The following SH3RF3 variants were observed in gnomAD, a reference collection of about 807,000 sequenced individuals.
SH3RF3 encodes E3 ubiquitin-protein ligase SH3RF3.
A neutral mutation model predicts 66.3 loss-of-function variants in SH3RF3; 29 were observed. The observed-to-expected ratio is 0.44, with a 90% confidence interval of 0.33 to 0.60. SH3RF3 has a LOEUF of 0.60. Among genes scored for constraint, SH3RF3 ranks in the 20% least tolerant of loss-of-function variants. The pLI is 0.04. For missense variants in SH3RF3, 1,194 were observed against 1,190.9 expected, an observed-to-expected ratio of 1.00 and a Z score of -0.04; for synonymous variants, 583 against 532.0, an observed-to-expected ratio of 1.10 and a Z score of -1.32.
At chr2:109,242,389 C>T (rs72952061) in intron 1 of SH3RF3, among the ~76,000 whole-genome samples, 2,986 of 152,234 alleles carry the variant, frequency 0.02, 102 homozygotes, top group African/African-American at 0.067. Flanking sequence ...TGTCGTGCCT[C>T]GTTGCAGATG....
At chr2:109,352,659 G>T (rs905924040) in intron 2 of SH3RF3, among the ~76,000 whole-genome samples, 4 of 152,174 alleles carry the variant, frequency 2.6e-5, no homozygotes, top group Admixed American at 2.6e-4. Context: ...GAAGTTACCC[G>T]AGAAACTCAG....
chr2:109,155,629 G>A (rs947815979), intron 1 of SH3RF3, among the ~76,000 whole-genome samples: 2 of 152,092 alleles, frequency 1.3e-5, no homozygotes, highest in Non-Finnish European at 2.9e-5. Context: ...CACAATTTTG[G>A]CTATTTGTGA....
At chr2:109,374,183 G>A (rs1343941339) in intron 3 of SH3RF3, among the ~76,000 whole-genome samples, 3 of 152,100 alleles carry the variant, frequency 2.0e-5, no homozygotes, top group Non-Finnish European at 4.4e-5. Context: ...AGGAAGCCCT[G>A]GACTGTCCTT....
intron 1 of SH3RF3, among the ~76,000 whole-genome samples, chr2:109,253,867 G>C (rs903749126): frequency 6.6e-6 from 1 of 152,126 alleles, no homozygotes; most frequent in Non-Finnish European, 1.5e-5. Flanking sequence ...AGAAAGTAAT[G>C]TATGAGTATT....
At chr2:109,146,686 C>T (rs1396752530) in intron 1 of SH3RF3, among the ~76,000 whole-genome samples, 1 of 152,136 alleles carries the variant, frequency 6.6e-6, no homozygotes, top group African/African-American at 2.4e-5. Flanking sequence ...CAGGCTGGGA[C>T]CCTGAGGAAG....
chr2:109,169,443 G>C (rs1158496174), intron 1 of SH3RF3, among the ~76,000 whole-genome samples: 2 of 152,054 alleles, frequency 1.3e-5, no homozygotes, highest in African/African-American at 4.8e-5. Context: ...AGCTCCCTGT[G>C]GTGGAGGAGG....
chr2:109,304,395 C>A (rs1055626988), intron 1 of SH3RF3, among the ~76,000 whole-genome samples: 1 of 152,130 alleles, frequency 6.6e-6, no homozygotes, highest in African/African-American at 2.4e-5. Context: ...CCAAGTTCAT[C>A]CATGTTGTCA....
rs913060593 is a variant in SH3RF3, at chr2:109,356,154, T to C, written c.849+8205T>C. 6.6e-5 allele frequency among the ~76,000 whole-genome samples: 10 copies of C among 152,262 alleles called. 1 individual carries two copies. Among genetic ancestry groups the C allele is most frequent in the Middle Eastern group, 3.4e-3 (1 of 294 alleles). ...AAACCTTCCTTGACATTCTTAGAGT[T>C]AATTATGGATTTTTAGGTACAGGGA... On this transcript the variant is annotated intron_variant, in intron 2 of 9. Transcript: ENST00000309415.
intron 5 of SH3RF3, among the ~76,000 whole-genome samples, chr2:109,428,051 C>A (rs1329746197): frequency 6.6e-6 from 1 of 152,254 alleles, no homozygotes; most frequent in Non-Finnish European, 1.5e-5. Flanking sequence ...GCCTCCAGTG[C>A]AGCCCCTGAC....
chr2:109,180,866 G>T (rs1678057526), intron 1 of SH3RF3, among the ~76,000 whole-genome samples: 1 of 152,204 alleles, frequency 6.6e-6, no homozygotes, highest in African/African-American at 2.4e-5. Flanking sequence ...GGCTTCAGGG[G>T]CTGAGTCCAG....
intron 3 of SH3RF3, among the ~76,000 whole-genome samples, chr2:109,395,148 C>T (rs1429683645): frequency 2.0e-5 from 3 of 152,366 alleles, no homozygotes; most frequent in East Asian, 3.9e-4. Flanking sequence ...GCCTGGGACT[C>T]CGCAGGCAGG....
rs368434338 is a variant in SH3RF3 at position 109,478,424 on chromosome 2, G to A, written c.2149-12181G>A. 3.3e-5 allele frequency among the ~76,000 whole-genome samples: 5 copies of A among 152,332 alleles called. No homozygotes were observed. In the East Asian group the frequency reaches 9.6e-4, roughly 29 times the overall value. On this transcript the variant is annotated intron_variant, in intron 8 of 9. Transcript: ENST00000309415. ...GTCTCTAAACACCCCATCAGTGTGA[G>A]ATGGCACCTTGTTTGCTTTTAAGAC...
intron 3 of SH3RF3, among the ~76,000 whole-genome samples, chr2:109,383,449 A>T (rs1319344599): frequency 6.6e-6 from 1 of 152,022 alleles, no homozygotes; most frequent in Non-Finnish European, 1.5e-5. Context: ...CAAGGTTGAC[A>T]CTCTGGGCCA....
intron 1 of SH3RF3, among the ~76,000 whole-genome samples, chr2:109,148,652 A>G (rs564922763): frequency 6.6e-6 from 1 of 152,334 alleles, no homozygotes; most frequent in African/African-American, 2.4e-5. Flanking sequence ...ACAGCGTTTA[A>G]AAATGTGAAA....
chr2:109,322,489 A>C (rs958971638), intron 1 of SH3RF3, among the ~76,000 whole-genome samples: 1 of 152,242 alleles, frequency 6.6e-6, no homozygotes, highest in Admixed American at 6.5e-5. Context: ...CATCTTAAGG[A>C]AGCTGAAATT....
intron 2 of SH3RF3, among the ~76,000 whole-genome samples, chr2:109,366,862 T>C (rs1175091146): frequency 6.6e-6 from 1 of 152,132 alleles, no homozygotes; most frequent in Non-Finnish European, 1.5e-5. Context: ...CAAAAACAAA[T>C]AAATAAATAA....
intron 2 of SH3RF3, among the ~76,000 whole-genome samples, chr2:109,350,976 C>A (rs537807926): frequency 6.6e-6 from 1 of 152,190 alleles, no homozygotes; most frequent in Non-Finnish European, 1.5e-5. Context: ...AAGATTTTTA[C>A]CTTTGGTGTT....
intron 9 of SH3RF3, among the ~76,000 whole-genome samples, chr2:109,492,465 G>A (rs941537189): frequency 6.6e-6 from 1 of 152,148 alleles, no homozygotes; most frequent in African/African-American, 2.4e-5. Context: ...TGGGTGTTCT[G>A]CACAGGGGTG....
chr2:109,304,056 G>A (rs1451876755), intron 1 of SH3RF3, among the ~76,000 whole-genome samples: 1 of 151,220 alleles, frequency 6.6e-6, no homozygotes, highest in African/African-American at 2.4e-5. Context: ...AGCTGAGATC[G>A]CGCCATTGCA....
Sources: gnomAD v4.1 joint callset for allele counts (sites outside exome capture counted in the v4.1 genomes callset) on GRCh38, gnomAD v4.1.1 for gene constraint, MANE v1.5 for transcripts, NCBI Gene and HGNC (gene_info 2026-07-23, HGNC 2026-07-21) for gene names.